Variants in CREB1 observed in about 807,000 individuals in gnomAD.
CREB1 encodes cyclic AMP-responsive element-binding protein 1.
A neutral mutation model predicts 42.0 loss-of-function variants in CREB1; 2 were observed. That is an observed-to-expected ratio of 0.05 (90% CI 0.02 to 0.15). The LOEUF (loss-of-function observed/expected upper bound fraction) is 0.15. Ranked by LOEUF, CREB1 falls within the 10% of genes least tolerant of loss-of-function variation. The pLI is 1.00. For missense variants in CREB1, 199 were observed against 388.9 expected, an observed-to-expected ratio of 0.51 and a Z score of 4.11; for synonymous variants, 123 against 139.9, an observed-to-expected ratio of 0.88 and a Z score of 0.85.
chr2:207,564,506 CTCTTAAAAAAAAAAAA>C (rs1307154624), intron 3 of CREB1, among the ~76,000 whole-genome samples: 1 of 144,688 alleles, frequency 6.9e-6, no homozygotes, highest in Non-Finnish European at 1.5e-5. Flanking sequence ...GAGATCCTGT[CTCTTAAAAAAAAAAAA>C]TCTTAAAAAA....
At chr2:207,545,206 T>C (rs910454954) in intron 1 of CREB1, among the ~76,000 whole-genome samples, 2 of 152,138 alleles carry the variant, frequency 1.3e-5, no homozygotes, top group African/African-American at 2.4e-5. Context: ...AAAGGTTCTT[T>C]TATTTTTGTT....
chr2:207,579,676 T>A (rs1009394701), intron 7 of CREB1, among the ~76,000 whole-genome samples: 7 of 152,150 alleles, frequency 4.6e-5, no homozygotes, highest in South Asian at 4.1e-4. Context: ...CCCTACTCTT[T>A]AAAAAGGAAA....
chr2:207,543,764 A>G (rs2081192053), intron 1 of CREB1, among the ~76,000 whole-genome samples: 1 of 151,486 alleles, frequency 6.6e-6, no homozygotes, highest in South Asian at 2.1e-4. Flanking sequence ...CACCACACCC[A>G]GCTAATTTTT....
intron 1 of CREB1, among the ~76,000 whole-genome samples, chr2:207,533,489 AACCTAATGCTTACAATATATT>A (rs2080740392): frequency 6.6e-6 from 1 of 152,208 alleles, no homozygotes; most frequent in African/African-American, 2.4e-5. Flanking sequence ...AATTATTTTT[AACCTAATGCTTACAATATATT>A]ACCGAAATTT....
At chr2:207,580,150 T>C (rs1449635090) in intron 7 of CREB1, among the ~76,000 whole-genome samples, 3 of 152,216 alleles carry the variant, frequency 2.0e-5, no homozygotes, top group Non-Finnish European at 4.4e-5. Context: ...GAGGAGAAGG[T>C]AAATATCAGA....
intron 7 of CREB1, among the ~76,000 whole-genome samples, chr2:207,590,081 AAGTTT>A (rs1247922047): frequency 9.7e-6 from 1 of 102,898 alleles, no homozygotes; most frequent in Non-Finnish European, 1.9e-5. Flanking sequence ...CTATTTTGAG[AAGTTT>A]TTTTTTTTTT....
Position 207,599,238 on chromosome 2 carries a change from T to A in CREB1, c.*2180T>A, listed in dbSNP as rs901674311. On this transcript the variant is annotated 3_prime_UTR_variant, in exon 8 of 8. Transcript: ENST00000353267. The stretch of plus-strand genomic sequence containing the variant: ...GGGGAAAGTTATAGCATAAAAATTG[T>A]GTAACCGCATAGATATGTCATTTTT... The A allele has an allele frequency of 1.5e-5, 3 of 201,250 alleles. No individual in the cohort carries two copies. Among genetic ancestry groups the A allele is most frequent in the Admixed American group, 6.0e-5 (1 of 16,688 alleles). The allele number at this position is 201,250 out of a possible 1,614,324, so 12.5% of individuals were successfully genotyped here. A position where few individuals can be genotyped will look rare whatever the true frequency, so the allele number is the denominator to read the frequency against.
chr2:207,591,959 T>C (rs1404621418), intron 7 of CREB1, among the ~76,000 whole-genome samples: 1 of 152,216 alleles, frequency 6.6e-6, no homozygotes. Flanking sequence ...CATTTCCTTA[T>C]ATAAATCCAT....
At chr2:207,582,229 TAGA>T (rs2083059791) in intron 7 of CREB1, 1 of 701,320 alleles carries the variant, frequency 1.4e-6, no homozygotes, top group Non-Finnish European at 2.6e-6. Flanking sequence ...AGGTGTATTT[TAGA>T]AGAAGTACTT....
intron 1 of CREB1, among the ~76,000 whole-genome samples, chr2:207,544,154 GCCTTGGCCTC>G (rs1247783399): frequency 3.3e-5 from 5 of 150,778 alleles, no homozygotes; most frequent in South Asian, 2.1e-4. Context: ...TGATCTGCCC[GCCTTGGCCTC>G]CCAAAGTGCT....
At chr2:207,581,701 C>T (rs1230734037) in intron 7 of CREB1, 5 of 580,174 alleles carry the variant, frequency 8.6e-6, no homozygotes, top group Non-Finnish European at 1.5e-5. Context: ...TAGTATATTA[C>T]ATAACCAGGG....
At chr2:207,594,672 A>G (rs943454827) in intron 7 of CREB1, among the ~76,000 whole-genome samples, 6 of 152,200 alleles carry the variant, frequency 3.9e-5, no homozygotes, top group Non-Finnish European at 7.3e-5. Context: ...TAATGCTGCA[A>G]TGAACATGAG....
In CREB1 at chr2:207,592,960, G is replaced by A. The variant is rs527331165; in HGVS notation, c.840-3954G>A. 1.3e-4 allele frequency among the ~76,000 whole-genome samples: 18 copies of A among 139,538 alleles called. No homozygotes were observed. The South Asian group carries it at 2.2e-3, about 17-fold the overall frequency. The allele number at this position is 139,538 out of a possible 152,430, so 91.5% of individuals were successfully genotyped here. ...ATATACTTTCTTCAAATATTTTTCC[G>A]TCCTGTCCTCCCTCTTCTTCTGAGA... On this transcript the variant is annotated intron_variant, in intron 7 of 7. Coordinates refer to ENST00000353267, the MANE Select transcript of CREB1 (RefSeq NM_004379.5).
chr2:207,578,798 T>C (rs2082701433), intron 7 of CREB1, among the ~76,000 whole-genome samples: 1 of 152,128 alleles, frequency 6.6e-6, no homozygotes, highest in Admixed American at 6.5e-5. Context: ...GTGACTTTTT[T>C]TTTTTCTCCC....
intron 4 of CREB1, 101 bp from the exon 5 acceptor site, chr2:207,570,071 CCTAAGCA>C: frequency 1.7e-6 from 1 of 582,782 alleles, no homozygotes; most frequent in Non-Finnish European, 2.8e-6. Flanking sequence ...AACCTTCTGT[CCTAAGCA>C]CTAGCAGCTT....
chr2:207,531,647 C>G (rs749270793), intron 1 of CREB1, among the ~76,000 whole-genome samples: 3 of 152,104 alleles, frequency 2.0e-5, no homozygotes, highest in Admixed American at 2.0e-4. Flanking sequence ...TGGCTCATTT[C>G]GTGATTTAAA....
At chr2:207,576,241 C>CTTTTTTTTTTTTTTTTTGT (rs2082588982) in intron 6 of CREB1, among the ~76,000 whole-genome samples, 6 of 101,060 alleles carry the variant, frequency 5.9e-5, no homozygotes, top group Admixed American at 1.1e-4. Context: ...CTTTTTTTGG[C>CTTTTTTTTTTTTTTTTTGT]TTTTTTTTTT....
intron 4 of CREB1, 68 bp downstream of exon 4, chr2:207,567,631 T>A: frequency 1.9e-6 from 2 of 1,056,956 alleles, no homozygotes; most frequent in Non-Finnish European, 2.9e-6. Context: ...TAAAGAGATG[T>A]CAGAAGACCA....
intron 5 of CREB1, 22 bp from the exon 6 acceptor site, chr2:207,575,250 A>G: frequency 6.2e-7 from 1 of 1,609,860 alleles, no homozygotes; most frequent in Non-Finnish European, 8.5e-7. Context: ...AACTTGTAAC[A>G]ATAAAATCCA....
Sources: allele counts gnomAD v4.1 joint callset (sites outside exome capture counted in the v4.1 genomes callset), GRCh38; gene constraint gnomAD v4.1.1; transcripts MANE v1.5; gene names NCBI Gene and HGNC (gene_info 2026-07-23, HGNC 2026-07-21).